The following XIRP2 variants were observed in gnomAD, a reference collection of about 807,000 sequenced individuals.
XIRP2 encodes xin actin-binding repeat-containing protein 2.
Under a neutral mutation model 277.0 loss-of-function variants are expected in XIRP2, and 236 were observed. That is an observed-to-expected ratio of 0.85 (90% CI 0.77 to 0.95). The LOEUF is 0.95. XIRP2 is among the 40% of genes least tolerant of loss of function. The pLI, the probability that XIRP2 is intolerant of heterozygous loss-of-function variation, is 0.00. For missense variants in XIRP2, 4,640 were observed against 4,157.5 expected (o/e 1.12, Z -3.19); for synonymous variants, 1,490 against 1,416.5 (o/e 1.05, Z -1.17).
At chr2:167,205,770 T>C (rs1693837168) in intron 3 of XIRP2, among the ~76,000 whole-genome samples, 1 of 152,200 alleles carries the variant, frequency 6.6e-6, no homozygotes, top group Admixed American at 6.5e-5. Context: ...AGATTACTTG[T>C]TTTCATCCTT....
At chr2:166,911,363 C>A (rs189577082) in intron 2 of XIRP2, among the ~76,000 whole-genome samples, 1 of 152,020 alleles carries the variant, frequency 6.6e-6, no homozygotes, top group Admixed American at 6.6e-5. Context: ...TTTACCATTA[C>A]GTAATGGCCT....
intron 2 of XIRP2, among the ~76,000 whole-genome samples, chr2:166,998,462 C>G (rs1254849830): frequency 6.6e-6 from 1 of 151,862 alleles, no homozygotes; most frequent in Non-Finnish European, 1.5e-5. Flanking sequence ...ACAGCAAAAC[C>G]CTGTCTCTAC....
At chr2:167,141,593 T>C (rs1200605522) in intron 3 of XIRP2, among the ~76,000 whole-genome samples, 1 of 152,170 alleles carries the variant, frequency 6.6e-6, no homozygotes, top group East Asian at 1.9e-4. Flanking sequence ...AAACTAAGAC[T>C]TGAATAAGTA....
intron 9 of XIRP2, 23 bp downstream of exon 9, chr2:167,251,970 AAAG>A (rs1695524578): frequency 2.6e-6 from 4 of 1,525,178 alleles, no homozygotes; most frequent in Non-Finnish European, 3.5e-6. Flanking sequence ...GCAATGTGTT[AAAG>A]AAGATTAACC....
intron 2 of XIRP2, among the ~76,000 whole-genome samples, chr2:166,929,374 G>A (rs991912475): frequency 6.6e-6 from 1 of 152,026 alleles, no homozygotes; most frequent in Admixed American, 6.6e-5. Context: ...CAGTCACGTT[G>A]ATAAGAATTC....
At chr2:167,193,014 C>T (rs1299612267) in intron 3 of XIRP2, among the ~76,000 whole-genome samples, 1 of 152,176 alleles carries the variant, frequency 6.6e-6, no homozygotes, top group Non-Finnish European at 1.5e-5. Context: ...CAGTCACTGA[C>T]TGATTCTGGA....
chr2:167,235,716 T>TAA (rs1444749433), intron 5 of XIRP2, among the ~76,000 whole-genome samples: 18 of 151,956 alleles, frequency 1.2e-4, no homozygotes, highest in Admixed American at 1.2e-3. Flanking sequence ...ATTTTTGAGC[T>TAA]AAGTCTTTAA....
chr2:167,202,167 T>C (rs1233115161), intron 3 of XIRP2, among the ~76,000 whole-genome samples: 1 of 152,240 alleles, frequency 6.6e-6, no homozygotes, highest in Non-Finnish European at 1.5e-5. Context: ...TACAGGCATT[T>C]GTAATGATTC....
At chr2:167,169,544 T>A (rs1246738237) in intron 3 of XIRP2, among the ~76,000 whole-genome samples, 1 of 152,204 alleles carries the variant, frequency 6.6e-6, no homozygotes, top group African/African-American at 2.4e-5. Context: ...GTGACCTCAC[T>A]TTTCTGATAG....
chr2:167,001,094 A>G (rs1225956871), intron 2 of XIRP2, among the ~76,000 whole-genome samples: 1 of 152,098 alleles, frequency 6.6e-6, no homozygotes, highest in Non-Finnish European at 1.5e-5. Flanking sequence ...TTAGTTTAAT[A>G]TTTTCTTAAC....
At chr2:167,169,799 T>A (rs1692631853) in intron 3 of XIRP2, among the ~76,000 whole-genome samples, 1 of 152,202 alleles carries the variant, frequency 6.6e-6, no homozygotes, top group Non-Finnish European at 1.5e-5. Context: ...TATAGCTATG[T>A]TTGTGGTTTT....
chr2:167,046,806 A>T (rs1477733361), intron 2 of XIRP2, among the ~76,000 whole-genome samples: 1 of 151,988 alleles, frequency 6.6e-6, no homozygotes, highest in African/African-American at 2.4e-5. Context: ...TGATGATCCA[A>T]AAACTACCTC....
rs1262569347 is a variant in XIRP2, at chr2:167,243,267, C to G, written c.1875C>G (p.Pro625=). Residue 625 remains proline, a synonymous_variant, in exon 9 of 11, where the codon CCC becomes CCG. Coordinates refer to ENST00000409195, the MANE Select transcript of XIRP2 (RefSeq NM_152381.6). ...CCACATGGATGTTTGAAACCCAACC[C>G]ATCGACACACTTGGGGCTTATTCTT... ...KYTTWMFETQ[P]IDTLGAYSSD... 8.7e-6 allele frequency: 14 copies of G among 1,613,492 alleles called. No homozygotes were observed. Among genetic ancestry groups the G allele is most frequent in the African/African-American group, 1.3e-5 (1 of 74,864 alleles).
rs896730738 is a variant in XIRP2 at position 167,191,875 on chromosome 2, C to T, written c.563-18860C>T. 3.9e-5 allele frequency among the ~76,000 whole-genome samples: 6 copies of T among 152,098 alleles called. No individual in the cohort carries two copies. In the South Asian group the frequency reaches 6.2e-4, roughly 16 times the overall value. ...AAGTAAGGAATTGCCAAATTGCTCC[C>T]GGCATACGTATCACTTAAAATAAAT... On this transcript the variant is annotated intron_variant, in intron 3 of 10. Transcript: ENST00000409195.
chr2:167,250,360 G>A lies in XIRP2; in HGVS notation c.8968G>A (p.Glu2990Lys), dbSNP rs754874042. The A allele has an allele frequency of 1.1e-5, 18 of 1,613,422 alleles. No individual in the cohort carries two copies. The highest frequency in any genetic ancestry group is 1.4e-5 in the Non-Finnish European group (16 of 1,179,690). The change falls in exon 9 of 11, where the codon GAA (glutamate) becomes AAA (lysine). Residue 2990 changes from glutamate to lysine, a missense_variant. Physicochemically the swap from Glu to Lys is moderately conservative, Grantham distance 56. Coordinates refer to ENST00000409195, the MANE Select transcript of XIRP2 (RefSeq NM_152381.6). ...TACTATCCCAGGATGGCTGATAAGT[G>A]AAGATAAGAGAGAATATGCAGTTCA... ...LNTIPGWLIS[E>K]DKREYAVHIA...
chr2:167,210,423 A>G (rs1693990297), intron 3 of XIRP2, among the ~76,000 whole-genome samples: 1 of 152,220 alleles, frequency 6.6e-6, no homozygotes, highest in African/African-American at 2.4e-5. Context: ...TTTAGCATAC[A>G]TTCAAAACAT....
At chr2:167,221,265 G>A (rs945722503) in intron 5 of XIRP2, among the ~76,000 whole-genome samples, 1 of 151,956 alleles carries the variant, frequency 6.6e-6, no homozygotes, top group Non-Finnish European at 1.5e-5. Flanking sequence ...CTGAATTCAA[G>A]ACCAGCTTGA....
At chr2:167,146,549 A>G (rs1037977581) in intron 3 of XIRP2, among the ~76,000 whole-genome samples, 2 of 152,058 alleles carry the variant, frequency 1.3e-5, no homozygotes, top group Admixed American at 6.6e-5. Flanking sequence ...AGAGAATAGA[A>G]TATAAAGCAG....
At chr2:166,908,498 G>A (rs1684595347) in intron 2 of XIRP2, among the ~76,000 whole-genome samples, 1 of 152,070 alleles carries the variant, frequency 6.6e-6, no homozygotes, top group Non-Finnish European at 1.5e-5. Context: ...TGAGTTCTTT[G>A]TAGATTCTGG....
Sources: gnomAD v4.1 joint callset for allele counts (sites outside exome capture counted in the v4.1 genomes callset) on GRCh38, gnomAD v4.1.1 for gene constraint, MANE v1.5 for transcripts, NCBI Gene and HGNC (gene_info 2026-07-23, HGNC 2026-07-21) for gene names.